Variants in MBOAT7 observed in about 807,000 individuals in gnomAD.
The protein encoded by MBOAT7 is membrane-bound acylglycerophosphatidylinositol O-acyltransferase MBOAT7.
MBOAT7 carries 40 observed loss-of-function variants against 47.4 expected under a neutral mutation model. The observed-to-expected ratio is 0.84, with a 90% confidence interval of 0.66 to 1.10. The LOEUF (loss-of-function observed/expected upper bound fraction) is 1.10. MBOAT7 is among the 50% of genes least tolerant of loss of function. The pLI is 0.00. For missense variants in MBOAT7, 680 were observed against 655.6 expected (o/e 1.04, Z -0.41); for synonymous variants, 361 against 292.0 (o/e 1.24, Z -2.41).
intron 4 of MBOAT7, among the ~76,000 whole-genome samples, chr19:54,186,453 C>T (rs111262028): frequency 3.3e-5 from 5 of 152,360 alleles, no homozygotes; most frequent in African/African-American, 7.2e-5. Context: ...AGGCCTAGCA[C>T]GGTGTCAGCC....
At chr19:54,182,001 G>A (rs867361568) in intron 5 of MBOAT7, among the ~76,000 whole-genome samples, 18 of 59,202 alleles carry the variant, frequency 3.0e-4, no homozygotes, top group East Asian at 5.0e-4. Flanking sequence ...GAGGGAGGGA[G>A]GGAAGGAGGG....
chr19:54,174,058 G>A lies in MBOAT7; in HGVS notation c.1405C>T (p.Leu469Phe), dbSNP rs926865984. 1.8e-5 allele frequency: 29 copies of A among 1,598,882 alleles called. No individual in the cohort carries two copies. Among genetic ancestry groups the A allele is most frequent in the Non-Finnish European group, 2.5e-5 (29 of 1,174,366 alleles). ...SQPTSLAPEK[L>F]REE ...GTCGTGACAGCTTACTCCTCCCGGA[G>A]CTTCTCCGGGGCAAGGCTGGTGGGC... The change falls in exon 8 of 8, where the codon CTC (leucine) becomes TTC (phenylalanine). Residue 469 changes from leucine (L) to phenylalanine (F), a missense_variant. By Grantham distance (22) the Leu-to-Phe change is conservative. Transcript: ENST00000245615.
At chr19:54,176,778 T>C (rs974218855) in intron 7 of MBOAT7, among the ~76,000 whole-genome samples, 1 of 152,044 alleles carries the variant, frequency 6.6e-6, no homozygotes, top group East Asian at 1.9e-4. Flanking sequence ...CCTGGCCAGA[T>C]GCAGTGGCTC....
chr19:54,184,488 T>C (rs2076377025), intron 4 of MBOAT7, among the ~76,000 whole-genome samples: 1 of 152,132 alleles, frequency 6.6e-6, no homozygotes, highest in Admixed American at 6.6e-5. Flanking sequence ...TAGAAATCCC[T>C]GGCTGGAGAC....
intron 5 of MBOAT7, among the ~76,000 whole-genome samples, chr19:54,181,337 C>T (rs906585206): frequency 6.6e-6 from 1 of 151,930 alleles, no homozygotes; most frequent in African/African-American, 2.4e-5. Context: ...ACAAGAAACT[C>T]AGAGAGACAG....
chr19:54,175,328 G>C (rs1239264200), intron 7 of MBOAT7, among the ~76,000 whole-genome samples: 1 of 152,148 alleles, frequency 6.6e-6, no homozygotes, highest in Non-Finnish European at 1.5e-5. Context: ...AGCATCACCT[G>C]AGAACTTGTG....
At chr19:54,185,756 C>T (rs536736966) in intron 4 of MBOAT7, among the ~76,000 whole-genome samples, 2 of 148,648 alleles carry the variant, frequency 1.3e-5, no homozygotes, top group African/African-American at 2.5e-5. Context: ...AGTGCAATGG[C>T]GGGATCTTGG....
rs2076576301 is a variant in MBOAT7, at chr19:54,189,567, T to TCCAGGTCCACACTGGGATCCGAGC, written c.-234_-233insGCTCGGATCCCAGTGTGGACCTGG. On this transcript the variant is annotated 5_prime_UTR_variant, in exon 1 of 8. Transcript: ENST00000245615. ...GCGCGAGTCGGCAACGGGATTCGAGTCCAGGTCCACACTGGGATCCGAGCT... is the reference window on the plus strand; with the variant it reads ...GCGCGAGTCGGCAACGGGATTCGAGTCCAGGTCCACACTGGGATCCGAGCCCAGGTCCACACTGGGATCCGAGCT... 1 of 152,538 alleles carries TCCAGGTCCACACTGGGATCCGAGC rather than the reference T, an allele frequency of 6.6e-6. No homozygotes were observed. Among genetic ancestry groups the TCCAGGTCCACACTGGGATCCGAGC allele is most frequent in the Admixed American group, 6.5e-5 (1 of 15,280 alleles). 9.4% of individuals were successfully genotyped at this position (152,538 alleles called of 1,614,324 possible).
chr19:54,173,465 G>A lies in MBOAT7; in HGVS notation c.*579C>T, dbSNP rs556471612. On this transcript the variant is annotated 3_prime_UTR_variant, in exon 8 of 8. Coordinates refer to ENST00000245615, the MANE Select transcript of MBOAT7 (RefSeq NM_024298.5). Reference sequence around the variant, plus strand: ...GATTTACACACGGTGACCTGTCATAGGCCAAGCGATGAGAAGAGGGCGCCA... The same window carrying A: ...GATTTACACACGGTGACCTGTCATAAGCCAAGCGATGAGAAGAGGGCGCCA... 8 of 222,842 alleles carry A rather than the reference G, an allele frequency of 3.6e-5. No individual in the cohort carries two copies. The highest frequency in any genetic ancestry group is 7.1e-5 in the Non-Finnish European group (8 of 112,050). 13.8% of individuals were successfully genotyped at this position (222,842 alleles called of 1,614,324 possible).
chr19:54,185,580 CCA>C (rs2076407395), intron 4 of MBOAT7, among the ~76,000 whole-genome samples: 1 of 152,204 alleles, frequency 6.6e-6, no homozygotes, highest in African/African-American at 2.4e-5. Context: ...TATCAAGCCA[CCA>C]CAGTTTGTCA....
chr19:54,181,177 G>A, intron 5 of MBOAT7, 44 bp from the exon 6 acceptor site: 6 of 1,448,298 alleles, frequency 4.1e-6, no homozygotes, highest in Non-Finnish European at 5.4e-6. Context: ...AGGCAGGTGG[G>A]CAGAGCTCAA....
intron 4 of MBOAT7, among the ~76,000 whole-genome samples, chr19:54,184,700 C>T (rs1049417315): frequency 4.0e-5 from 6 of 151,798 alleles, no homozygotes; most frequent in East Asian, 1.9e-4. Flanking sequence ...GTCGGGAGTT[C>T]GAGATCAGCC....
rs1050527 is a variant in MBOAT7 at position 54,173,473 on chromosome 19, G to C, written c.*571C>G. On this transcript the variant is annotated 3_prime_UTR_variant, in exon 8 of 8. Coordinates refer to ENST00000245615, the MANE Select transcript of MBOAT7 (RefSeq NM_024298.5). Reference sequence around the variant, plus strand: ...CACGGTGACCTGTCATAGGCCAAGCGATGAGAAGAGGGCGCCAGGAGTGCT... The same window carrying C: ...CACGGTGACCTGTCATAGGCCAAGCCATGAGAAGAGGGCGCCAGGAGTGCT... 1 of 205,438 alleles carries C rather than the reference G, an allele frequency of 4.9e-6. No homozygotes were observed. Among genetic ancestry groups the C allele is most frequent in the African/African-American group, 2.3e-5 (1 of 42,982 alleles). The allele number at this position is 205,438 out of a possible 1,614,324, so 12.7% of individuals were successfully genotyped here.
rs562677457 is a variant in MBOAT7 at position 54,174,395 on chromosome 19, G to A, written c.1068C>T (p.His356=). The change falls in exon 8 of 8, where the codon CAC becomes CAT. Residue 356 remains histidine (H), a synonymous_variant. Coordinates refer to ENST00000245615, the MANE Select transcript of MBOAT7 (RefSeq NM_024298.5). ...AWTMLLSAYW[H]GLHPGYYLSF... ...TCAGGTAGTAGCCCGGGTGGAGGCC[G>A]TGCCAGTAGGCGCTCAGCAGCATGG... 1.4e-5 allele frequency: 23 copies of A among 1,599,996 alleles called. No individual in the cohort carries two copies. Among genetic ancestry groups the A allele is most frequent in the African/African-American group, 5.4e-5 (4 of 74,538 alleles).
rs758110672 is a variant in MBOAT7, at chr19:54,173,970, CTT to C, written c.*72_*73del. On this transcript the variant is annotated 3_prime_UTR_variant, in exon 8 of 8. Coordinates refer to ENST00000245615, the MANE Select transcript of MBOAT7 (RefSeq NM_024298.5). ...CAGGACCCTCTCCAAGGTAAGGACT[CTT>C]TCTGGGGAGGAGACAGCAGCCTGGT... 124 of 1,480,214 alleles carry C rather than the reference CTT, an allele frequency of 8.4e-5. No individual in the cohort carries two copies. Among genetic ancestry groups the C allele is most frequent in the Non-Finnish European group, 9.9e-5 (110 of 1,112,078 alleles). The allele number at this position is 1,480,214 out of a possible 1,614,324, so 91.7% of individuals were successfully genotyped here.
intron 3 of MBOAT7, among the ~76,000 whole-genome samples, chr19:54,187,502 C>A (rs1332142431): frequency 6.6e-6 from 1 of 152,194 alleles, no homozygotes; most frequent in Admixed American, 6.5e-5. Flanking sequence ...GAAACACACA[C>A]CAACAGAGAA....
chr19:54,187,350 C>A, intron 3 of MBOAT7, 63 bp from the exon 4 acceptor site: 1 of 1,501,588 alleles, frequency 6.7e-7, no homozygotes, highest in South Asian at 1.3e-5. Context: ...CCACTCACTC[C>A]ACGAGTCCAG....
At position 54,188,504 on chromosome 19, in the gene MBOAT7, G is replaced by C; in HGVS notation, c.5C>G (p.Ser2Trp). M[S>W]PEEWTYLVVL... ...CACTAGATACGTCCATTCTTCAGGC[G>C]ACATGGTCTGGGGGAGGGGCAGAGA... The change falls in exon 2 of 8, where the codon TCG (serine) becomes TGG (tryptophan). Residue 2 changes from serine to tryptophan, a missense_variant. Transcript: ENST00000245615. The C allele has an allele frequency of 6.4e-7, 1 of 1,552,580 alleles. No homozygotes were observed. The highest frequency in any genetic ancestry group is 8.7e-7 in the Non-Finnish European group (1 of 1,147,390).
At position 54,175,137 on chromosome 19, in the gene MBOAT7, G is replaced by T. The variant is rs368545574; in HGVS notation, c.1032-706C>A. Among the ~76,000 whole-genome samples the T allele has an allele frequency of 1.6e-4, 25 of 152,040 alleles. No homozygotes were observed. In the East Asian group the frequency reaches 4.9e-3, roughly 30 times the overall value. Reference sequence around the variant, plus strand: ...ACTACAGGCGCCTGCCACCACGCCCGGCTAATTTTCTTTTCTATTTTTAGT... The same window carrying T: ...ACTACAGGCGCCTGCCACCACGCCCTGCTAATTTTCTTTTCTATTTTTAGT... On this transcript the variant is annotated intron_variant, in intron 7 of 7. Coordinates refer to ENST00000245615, the MANE Select transcript of MBOAT7 (RefSeq NM_024298.5).
Sources: allele counts gnomAD v4.1 joint callset (sites outside exome capture counted in the v4.1 genomes callset), GRCh38; gene constraint gnomAD v4.1.1; transcripts MANE v1.5; gene names NCBI Gene and HGNC (gene_info 2026-07-23, HGNC 2026-07-21).